NKAIN2: variants seen among roughly 807,000 people sequenced by gnomAD.
The protein encoded by NKAIN2 is sodium/potassium transporting ATPase interacting 2, also known as sodium/potassium-transporting ATPase subunit beta-1-interacting protein 2.
Under a neutral mutation model 32.6 loss-of-function variants are expected in NKAIN2, and 14 were observed. The ratio of observed to expected loss-of-function variants is 0.43; its 90% CI spans 0.28 to 0.67. NKAIN2 has a LOEUF of 0.67. Among genes scored for constraint, NKAIN2 ranks in the 30% least tolerant of loss-of-function variants. The pLI is 0.17. For missense variants in NKAIN2, 198 were observed against 258.3 expected (o/e 0.77, Z 1.60); for synonymous variants, 80 against 87.2 (o/e 0.92, Z 0.46).
intron 1 of NKAIN2, among the ~76,000 whole-genome samples, chr6:124,272,198 G>A (rs1019456651): frequency 2.6e-5 from 4 of 152,170 alleles, no homozygotes; most frequent in East Asian, 1.9e-4. Context: ...ATGTCTCCAG[G>A]CCATGTCAGA....
intron 1 of NKAIN2, among the ~76,000 whole-genome samples, chr6:123,935,118 A>ATAC (rs1776438382): frequency 6.8e-6 from 1 of 147,016 alleles, no homozygotes; most frequent in Non-Finnish European, 1.5e-5. Context: ...TATTGAAATA[A>ATAC]ATATGTTAAA....
chr6:124,531,093 C>A (rs919833872), intron 3 of NKAIN2, among the ~76,000 whole-genome samples: 2 of 152,188 alleles, frequency 1.3e-5, no homozygotes, highest in East Asian at 3.9e-4. Context: ...AAATTCACCA[C>A]CACATGATAC....
intron 1 of NKAIN2, among the ~76,000 whole-genome samples, chr6:124,022,257 G>T (rs1028854559): frequency 6.6e-6 from 1 of 152,124 alleles, no homozygotes; most frequent in Non-Finnish European, 1.5e-5. Context: ...GTATTCCATG[G>T]TGTATATGTG....
At chr6:124,309,309 T>C (rs1422010061) in intron 2 of NKAIN2, among the ~76,000 whole-genome samples, 1 of 152,086 alleles carries the variant, frequency 6.6e-6, no homozygotes, top group Non-Finnish European at 1.5e-5. Flanking sequence ...GTTTTTTCAG[T>C]CACAACATGC....
intron 1 of NKAIN2, among the ~76,000 whole-genome samples, chr6:123,922,793 G>T (rs1775815767): frequency 6.6e-6 from 1 of 152,236 alleles, no homozygotes; most frequent in East Asian, 1.9e-4. Context: ...TAATTAGAAA[G>T]CTAATATTTT....
intron 3 of NKAIN2, among the ~76,000 whole-genome samples, chr6:124,575,627 C>A (rs1443447345): frequency 6.6e-6 from 1 of 152,158 alleles, no homozygotes; most frequent in Non-Finnish European, 1.5e-5. Context: ...TCTTGTGCCA[C>A]CAGGCCTGCA....
Position 124,350,059 on chromosome 6 carries a change from G to T in NKAIN2, c.193-5208G>T, listed in dbSNP as rs560622548. ...GATTTTCTTCACAAGAAAAAATGAG[G>T]CTAAAACAAAATTAGTTTTATAGCA... On this transcript the variant is annotated intron_variant, in intron 2 of 6. Coordinates refer to ENST00000368417, the MANE Select transcript of NKAIN2 (RefSeq NM_001040214.3). 1.2e-3 allele frequency among the ~76,000 whole-genome samples: 180 copies of T among 152,228 alleles called. 1 individual carries two copies. Among genetic ancestry groups the T allele is most frequent in the African/African-American group, 4.2e-3 (176 of 41,540 alleles).
Position 124,725,980 on chromosome 6 carries a change from G to A in NKAIN2, c.475-65359G>A, listed in dbSNP as rs375846165. ...CTTGAAAATTGGGTCACTCCCACCC[G>A]AATACTGCGCTTTTCCGACGGGCTT... On this transcript the variant is annotated intron_variant, in intron 4 of 6. Transcript: ENST00000368417. Among the ~76,000 whole-genome samples the A allele has an allele frequency of 8.0e-3, 1,212 of 152,306 alleles. 17 individuals are homozygous for A. Among genetic ancestry groups the A allele is most frequent in the African/African-American group, 0.028 (1,147 of 41,574 alleles).
intron 1 of NKAIN2, among the ~76,000 whole-genome samples, chr6:124,143,842 AG>A (rs1787260041): frequency 2.0e-5 from 3 of 152,222 alleles, no homozygotes; most frequent in African/African-American, 7.2e-5. Flanking sequence ...TTTATGATAA[AG>A]GTTAAGTATA....
chr6:124,315,610 A>C (rs1796916385), intron 2 of NKAIN2, among the ~76,000 whole-genome samples: 1 of 152,164 alleles, frequency 6.6e-6, no homozygotes, highest in African/African-American at 2.4e-5. Context: ...GATGAATAGA[A>C]TTGGCAAAGG....
At chr6:123,948,989 T>C (rs1392755605) in intron 1 of NKAIN2, among the ~76,000 whole-genome samples, 1 of 152,036 alleles carries the variant, frequency 6.6e-6, no homozygotes, top group Non-Finnish European at 1.5e-5. Flanking sequence ...GGATATCCAA[T>C]TTTCTCAGCA....
chr6:124,566,544 C>T (rs1006990247), intron 3 of NKAIN2, among the ~76,000 whole-genome samples: 1 of 152,086 alleles, frequency 6.6e-6, no homozygotes, highest in African/African-American at 2.4e-5. Flanking sequence ...TCCTCAGCTA[C>T]ATTAATACAA....
intron 3 of NKAIN2, among the ~76,000 whole-genome samples, chr6:124,637,008 G>C (rs1019631246): frequency 6.6e-6 from 1 of 151,920 alleles, no homozygotes; most frequent in African/African-American, 2.4e-5. Flanking sequence ...CTAGGAAACT[G>C]AATATAACAT....
chr6:124,028,833 A>G (rs1235246864), intron 1 of NKAIN2, among the ~76,000 whole-genome samples: 7 of 134,106 alleles, frequency 5.2e-5, no homozygotes, highest in African/African-American at 1.6e-4. Context: ...ATATATATAC[A>G]TATATATGTA....
intron 3 of NKAIN2, among the ~76,000 whole-genome samples, chr6:124,557,781 A>G (rs1360184868): frequency 6.6e-6 from 1 of 152,188 alleles, no homozygotes; most frequent in Non-Finnish European, 1.5e-5. Flanking sequence ...TTCCTGTACA[A>G]TTGGCTTAAA....
intron 1 of NKAIN2, among the ~76,000 whole-genome samples, chr6:123,955,269 G>T (rs181980407): frequency 6.7e-6 from 1 of 150,100 alleles, no homozygotes; most frequent in Non-Finnish European, 1.5e-5. Flanking sequence ...TGACACTATA[G>T]AACCAATTGT....
At chr6:124,811,301 G>A (rs1480698279) in intron 5 of NKAIN2, among the ~76,000 whole-genome samples, 15 of 151,990 alleles carry the variant, frequency 9.9e-5, no homozygotes, top group Non-Finnish European at 1.2e-4. Flanking sequence ...TTACAGCTCT[G>A]TCTCCAAAAG....
chr6:124,369,804 C>T lies in NKAIN2; in HGVS notation c.273+14457C>T, dbSNP rs146092021. 3.3e-3 allele frequency among the ~76,000 whole-genome samples: 492 copies of T among 149,512 alleles called. 2 individuals are homozygous for T. The highest frequency in any genetic ancestry group is 6.2e-3 in the Non-Finnish European group (419 of 67,672). Reference sequence around the variant, plus strand: ...GCCTTTATTTAAACTACTACCCAGACATGATCCTTGGGACTCATTTGGAAA... The same window carrying T: ...GCCTTTATTTAAACTACTACCCAGATATGATCCTTGGGACTCATTTGGAAA... On this transcript the variant is annotated intron_variant, in intron 3 of 6. Transcript: ENST00000368417.
At chr6:124,727,066 C>A (rs1366852708) in intron 4 of NKAIN2, among the ~76,000 whole-genome samples, 4 of 151,862 alleles carry the variant, frequency 2.6e-5, no homozygotes, top group Non-Finnish European at 5.9e-5. Context: ...GTGAAAAGAC[C>A]AAATCTACGT....
Sources: gnomAD v4.1 joint callset for allele counts (sites outside exome capture counted in the v4.1 genomes callset) on GRCh38, gnomAD v4.1.1 for gene constraint, MANE v1.5 for transcripts, NCBI Gene and HGNC (gene_info 2026-07-23, HGNC 2026-07-21) for gene names.